The following HTR2C variants were observed in gnomAD, a reference collection of about 807,000 sequenced individuals.
HTR2C encodes the protein 5-hydroxytryptamine receptor 2C, also known as 5-hydroxytryptamine (serotonin) receptor 2C, G protein-coupled.
Under a neutral mutation model 21.0 loss-of-function variants are expected in HTR2C, and 5 were observed. The ratio of observed to expected loss-of-function variants is 0.24; its 90% CI spans 0.12 to 0.50. The LOEUF (loss-of-function observed/expected upper bound fraction) is 0.50. Ranked by LOEUF, HTR2C falls within the 20% of genes least tolerant of loss-of-function variation. The probability of loss-of-function intolerance (pLI) is 0.98; values close to 1 mark genes in which losing one functional copy is unlikely to be tolerated. For synonymous variants in HTR2C, 150 were observed against 145.3 expected (o/e 1.03, Z -0.23); for missense variants, 271 against 371.2 (o/e 0.73, Z 2.22).
intron 5 of HTR2C, among the ~76,000 whole-genome samples, chrX:114,856,744 C>T (rs998477362): frequency 1.1e-4 from 12 of 111,200 alleles, no homozygotes; most frequent in Non-Finnish European, 1.7e-4. Context: ...TTTACTACTT[C>T]ATAAAGTATA....
intron 2 of HTR2C, chrX:114,715,195 T>C (rs1556419622): frequency 6.0e-6 from 2 of 333,892 alleles, no homozygotes; most frequent in Non-Finnish European, 1.2e-5. Flanking sequence ...CCCCTTTATA[T>C]AGGATGTCTT....
intron 2 of HTR2C, among the ~76,000 whole-genome samples, chrX:114,650,735 A>C (rs1982906397): frequency 8.9e-6 from 1 of 111,981 alleles, no homozygotes; most frequent in Non-Finnish European, 1.9e-5. Flanking sequence ...CCTTGTAGAC[A>C]GTTCCTCATC....
chrX:114,791,504 C>T (rs2070232081), intron 4 of HTR2C, among the ~76,000 whole-genome samples: 2 of 111,387 alleles, frequency 1.8e-5, no homozygotes, highest in South Asian at 7.5e-4. Flanking sequence ...TTCCTCTCTT[C>T]TCAGAAAACA....
At chrX:114,619,848 T>C (rs1158634389) in intron 2 of HTR2C, among the ~76,000 whole-genome samples, 2 of 111,841 alleles carry the variant, frequency 1.8e-5, no homozygotes, top group Non-Finnish European at 3.8e-5. Context: ...CTCCACTAGA[T>C]GTTAATTAAC....
chrX:114,620,034 G>T (rs1177131083), intron 2 of HTR2C, among the ~76,000 whole-genome samples: 1 of 111,880 alleles, frequency 8.9e-6, no homozygotes, highest in Non-Finnish European at 1.9e-5. Context: ...TGGTTGGTCT[G>T]TGACTGTTCG....
intron 2 of HTR2C, among the ~76,000 whole-genome samples, chrX:114,702,794 G>C (rs1210135300): frequency 9.4e-6 from 1 of 106,517 alleles, no homozygotes; most frequent in Non-Finnish European, 1.9e-5. Context: ...AGACCCATCA[G>C]TGTGCTGTAT....
intron 5 of HTR2C, among the ~76,000 whole-genome samples, chrX:114,872,447 GT>G (rs2071100059): frequency 9.1e-6 from 1 of 109,793 alleles, no homozygotes; most frequent in Non-Finnish European, 1.9e-5. Flanking sequence ...ACAGCTACAA[GT>G]TTTTCTTCTA....
chrX:114,662,952 A>G (rs1905124568), intron 2 of HTR2C, among the ~76,000 whole-genome samples: 1 of 111,744 alleles, frequency 8.9e-6, no homozygotes, highest in South Asian at 3.7e-4. Context: ...ATCCATTGAC[A>G]GAGTACTCAA....
chrX:114,708,879 G>A (rs1234793725), intron 2 of HTR2C, among the ~76,000 whole-genome samples: 4 of 111,116 alleles, frequency 3.6e-5, no homozygotes, highest in Non-Finnish European at 7.5e-5. Context: ...TTAACTATAT[G>A]GCTTAGAGAG....
intron 5 of HTR2C, among the ~76,000 whole-genome samples, chrX:114,863,957 G>T (rs2071025286): frequency 9.0e-6 from 1 of 110,581 alleles, no homozygotes; most frequent in African/African-American, 3.3e-5. Flanking sequence ...ATAGCCACCT[G>T]CTCCCTCTTT....
At chrX:114,696,884 T>A (rs1932296066) in intron 2 of HTR2C, among the ~76,000 whole-genome samples, 1 of 111,574 alleles carries the variant, frequency 9.0e-6, no homozygotes, top group Non-Finnish European at 1.9e-5. Context: ...TGCTTATTAA[T>A]GGATTTCTGT....
At chrX:114,592,524 G>T (rs1323904896) in intron 1 of HTR2C, among the ~76,000 whole-genome samples, 1 of 111,219 alleles carries the variant, frequency 9.0e-6, no homozygotes, top group South Asian at 3.8e-4. Flanking sequence ...CTTATAGAGT[G>T]AGAAATTATT....
chrX:114,720,504 A>G (rs781960549), intron 2 of HTR2C, among the ~76,000 whole-genome samples: 1 of 68,020 alleles, frequency 1.5e-5, no homozygotes, highest in South Asian at 1.3e-3. Context: ...TTTCAGGATC[A>G]TATTTCTTTT....
intron 4 of HTR2C, among the ~76,000 whole-genome samples, chrX:114,802,904 CCA>C (rs1191477257): frequency 3.0e-5 from 2 of 67,560 alleles, no homozygotes; most frequent in African/African-American, 5.6e-5. Context: ...ACAACAGTCC[CCA>C]GAGTGTGATG....
At chrX:114,741,764 A>G (rs5988120) in intron 4 of HTR2C, among the ~76,000 whole-genome samples, 3,179 of 108,604 alleles carry the variant, frequency 0.029, 124 homozygotes, top group African/African-American at 0.099. Flanking sequence ...GTATTCAATC[A>G]ATAACTCTGT....
chrX:114,663,289 T>C lies in HTR2C; in HGVS notation c.-80+49408T>C, dbSNP rs782039825. On this transcript the variant is annotated intron_variant, in intron 2 of 5. Transcript: ENST00000276198. The stretch of plus-strand genomic sequence containing the variant: ...CAGCAACATGTTCAGCACTGTTTCA[T>C]TGAGGAGAGGGGATAATAAGCAGGA... 1.6e-3 allele frequency among the ~76,000 whole-genome samples: 176 copies of C among 111,210 alleles called. 1 individual carries two copies. The highest frequency in any genetic ancestry group is 1.9e-3 in the Non-Finnish European group (101 of 52,938).
rs781932894 is a variant in HTR2C at position 114,604,639 on chromosome X, A to G, written c.-146-9176A>G. Among the ~76,000 whole-genome samples the G allele has an allele frequency of 2.0e-4, 22 of 108,668 alleles. No homozygotes were observed. The South Asian group carries it at 2.1e-3, about 10-fold the overall frequency. The allele number at this position is 108,668 out of a possible 115,157, so 94.4% of individuals were successfully genotyped here. On this transcript the variant is annotated intron_variant, in intron 1 of 5. Coordinates refer to ENST00000276198, the MANE Select transcript of HTR2C (RefSeq NM_000868.4). ...GGCCAGAGTTCCAGGGGCTCTGGGA[A>G]TGGCTGCCAGGTGAGTTAAACAGTC...
At chrX:114,720,109 C>G (rs180838214) in intron 2 of HTR2C, among the ~76,000 whole-genome samples, 44 of 111,439 alleles carry the variant, frequency 3.9e-4, no homozygotes, top group Middle Eastern at 9.2e-3. Flanking sequence ...ATTTTCAGAC[C>G]TCCCAGAGAA....
At chrX:114,645,219 C>A (rs182248063) in intron 2 of HTR2C, among the ~76,000 whole-genome samples, 12 of 109,737 alleles carry the variant, frequency 1.1e-4, no homozygotes, top group African/African-American at 1.7e-4. Context: ...AAAAAAAATA[C>A]GTAACATTGA....
Sources: gnomAD v4.1 joint callset for allele counts (sites outside exome capture counted in the v4.1 genomes callset) on GRCh38, gnomAD v4.1.1 for gene constraint, MANE v1.5 for transcripts, NCBI Gene and HGNC (gene_info 2026-07-23, HGNC 2026-07-21) for gene names.